Variants in LRFN5 observed in about 807,000 individuals in gnomAD.
LRFN5 encodes the protein leucine rich repeat and fibronectin type III domain containing 5.
Under a neutral mutation model 45.6 loss-of-function variants are expected in LRFN5, and 24 were observed. The observed-to-expected ratio is 0.53, with a 90% CI of 0.38 to 0.74. The LOEUF (loss-of-function observed/expected upper bound fraction) is 0.74, where lower values mean the gene tolerates loss of function less well. Among genes scored for constraint, LRFN5 ranks in the 30% least tolerant of loss-of-function variants. The pLI is 0.00. For missense variants in LRFN5, 776 were observed against 861.5 expected (o/e 0.90, Z 1.24); for synonymous variants, 340 against 313.8 (o/e 1.08, Z -0.88).
chr14:41,862,381 A>G (rs1889695395), intron 2 of LRFN5, among the ~76,000 whole-genome samples: 1 of 152,146 alleles, frequency 6.6e-6, no homozygotes, highest in Admixed American at 6.5e-5. Flanking sequence ...TGTGACATTC[A>G]TTTGTATTTT....
At chr14:41,698,355 C>T (rs984202530) in intron 1 of LRFN5, among the ~76,000 whole-genome samples, 2 of 152,042 alleles carry the variant, frequency 1.3e-5, no homozygotes, top group Non-Finnish European at 2.9e-5. Context: ...CTGCTCCAGG[C>T]CTACTATATC....
intron 2 of LRFN5, among the ~76,000 whole-genome samples, chr14:41,867,169 G>A (rs374717531): frequency 4.6e-5 from 7 of 152,128 alleles, no homozygotes; most frequent in African/African-American, 1.7e-4. Context: ...AAAACATACT[G>A]GATAGGAATA....
At chr14:41,663,915 G>C (rs1880774386) in intron 1 of LRFN5, among the ~76,000 whole-genome samples, 1 of 151,958 alleles carries the variant, frequency 6.6e-6, no homozygotes, top group African/African-American at 2.4e-5. Flanking sequence ...GAGATAACTT[G>C]ATCAATACAC....
At chr14:41,709,439 T>G (rs1248208139) in intron 1 of LRFN5, among the ~76,000 whole-genome samples, 1 of 152,080 alleles carries the variant, frequency 6.6e-6, no homozygotes, top group African/African-American at 2.4e-5. Flanking sequence ...CTTCTCATTT[T>G]TCACACTGTT....
intron 1 of LRFN5, among the ~76,000 whole-genome samples, chr14:41,716,229 C>G (rs1327647386): frequency 1.3e-5 from 2 of 152,192 alleles, no homozygotes; most frequent in Non-Finnish European, 2.9e-5. Flanking sequence ...CTCTGGCATG[C>G]CCTGGAGACG....
intron 2 of LRFN5, among the ~76,000 whole-genome samples, chr14:41,821,435 CACATT>C (rs1888109235): frequency 6.6e-6 from 1 of 151,764 alleles, no homozygotes; most frequent in Admixed American, 6.6e-5. Context: ...TGGGTTGAAT[CACATT>C]TATTGATTTG....
chr14:41,735,649 A>G (rs886681900), intron 1 of LRFN5, among the ~76,000 whole-genome samples: 2 of 152,140 alleles, frequency 1.3e-5, no homozygotes, highest in African/African-American at 4.8e-5. Flanking sequence ...ATACATATGC[A>G]GAAGATGCAG....
intron 1 of LRFN5, among the ~76,000 whole-genome samples, chr14:41,646,624 C>T (rs1228752076): frequency 3.3e-5 from 5 of 152,162 alleles, no homozygotes; most frequent in Non-Finnish European, 5.9e-5. Context: ...CTGATAAGCT[C>T]GCAACATCAT....
chr14:41,772,025 G>C (rs1289412512), intron 2 of LRFN5, among the ~76,000 whole-genome samples: 1 of 152,166 alleles, frequency 6.6e-6, no homozygotes, highest in African/African-American at 2.4e-5. Flanking sequence ...GTCAGCATCT[G>C]CTTTTGGTGA....
chr14:41,810,628 G>T (rs1044085707), intron 2 of LRFN5, among the ~76,000 whole-genome samples: 1 of 151,994 alleles, frequency 6.6e-6, no homozygotes, highest in African/African-American at 2.4e-5. Flanking sequence ...TAAATTCTGA[G>T]GTAGAGTGAA....
chr14:41,737,763 T>A (rs1884505613), intron 1 of LRFN5, among the ~76,000 whole-genome samples: 1 of 151,760 alleles, frequency 6.6e-6, no homozygotes, highest in South Asian at 2.1e-4. Flanking sequence ...ACAAAGAGAA[T>A]AAAGTACCTA....
chr14:41,663,439 A>T lies in LRFN5; in HGVS notation c.-197+54877A>T, dbSNP rs369818213. On this transcript the variant is annotated intron_variant, in intron 1 of 5. Coordinates refer to ENST00000298119, the MANE Select transcript of LRFN5 (RefSeq NM_152447.5). ...TAAGACCTGATAGGAGGTGAATTTT[A>T]TGCATTGGTGTTTACAGGGAAGTAA... 1.1e-4 allele frequency among the ~76,000 whole-genome samples: 16 copies of T among 152,204 alleles called. No homozygotes were observed. In the South Asian group the frequency reaches 3.1e-3, roughly 30 times the overall value.
chr14:41,764,744 A>T (rs1231834963), intron 1 of LRFN5, among the ~76,000 whole-genome samples: 1 of 152,110 alleles, frequency 6.6e-6, no homozygotes. Flanking sequence ...TAACCTAAAC[A>T]GTTTATTTAG....
chr14:41,640,290 A>T (rs2138596305), intron 1 of LRFN5, among the ~76,000 whole-genome samples: 1 of 152,236 alleles, frequency 6.6e-6, no homozygotes, highest in East Asian at 1.9e-4. Flanking sequence ...TAGGCTGTTA[A>T]TATAAAACAT....
chr14:41,757,267 A>G (rs3985186), intron 1 of LRFN5, among the ~76,000 whole-genome samples: 109,672 of 152,042 alleles, frequency 0.72, 39,882 homozygotes, highest in East Asian at 0.95. Context: ...TGGGAGAACC[A>G]CTACTCTCTT....
intron 2 of LRFN5, among the ~76,000 whole-genome samples, chr14:41,835,872 A>G (rs1312443035): frequency 6.6e-6 from 1 of 152,128 alleles, no homozygotes; most frequent in East Asian, 1.9e-4. Flanking sequence ...AACAAAGAGC[A>G]TGCAAACCAA....
At chr14:41,679,269 G>C (rs1434132168) in intron 1 of LRFN5, among the ~76,000 whole-genome samples, 2 of 152,176 alleles carry the variant, frequency 1.3e-5, no homozygotes, top group African/African-American at 4.8e-5. Flanking sequence ...TGAAACACAA[G>C]CCAGGGTGGC....
intron 2 of LRFN5, among the ~76,000 whole-genome samples, chr14:41,871,587 TAAA>T (rs34452763): frequency 6.7e-6 from 1 of 148,728 alleles, no homozygotes; most frequent in African/African-American, 2.5e-5. Context: ...AAAAATCTGT[TAAA>T]AAAAAAAAAA....
chr14:41,662,952 A>G (rs1449834149), intron 1 of LRFN5, among the ~76,000 whole-genome samples: 4 of 152,180 alleles, frequency 2.6e-5, no homozygotes, highest in Admixed American at 6.5e-5. Context: ...GTGGTTTCAC[A>G]TATCATATGA....
Sources: allele counts gnomAD v4.1 joint callset (sites outside exome capture counted in the v4.1 genomes callset), GRCh38; gene constraint gnomAD v4.1.1; transcripts MANE v1.5; gene names NCBI Gene and HGNC (gene_info 2026-07-23, HGNC 2026-07-21).